The following SEC23A variants were observed in gnomAD, a reference collection of about 807,000 sequenced individuals.
The protein encoded by SEC23A is protein transport protein Sec23A.
SEC23A carries 56 observed loss-of-function variants against 103.7 expected under a neutral mutation model. The ratio of observed to expected loss-of-function variants is 0.54; its 90% confidence interval spans 0.44 to 0.67. The LOEUF (loss-of-function observed/expected upper bound fraction) is 0.67, where lower values mean the gene tolerates loss of function less well. Among genes scored for constraint, SEC23A ranks in the 30% least tolerant of loss-of-function variants. The pLI, the probability that SEC23A is intolerant of heterozygous loss-of-function variation, is 0.00. For synonymous variants in SEC23A, 281 were observed against 293.0 expected (o/e 0.96, Z 0.42); for missense variants, 784 against 936.4 (o/e 0.84, Z 2.12).
chr14:39,039,125 C>T, intron 18 of SEC23A, 29 bp from the exon 19 acceptor site: 1 of 1,595,360 alleles, frequency 6.3e-7, no homozygotes, highest in Non-Finnish European at 8.6e-7. Flanking sequence ...ATAACATTAT[C>T]CATCAAAAAT....
rs1887307129 is a variant in SEC23A, at chr14:39,083,559, C to CTTACTTTTTTT, written c.828+2202_828+2203insAAAAAAAGTAA. On this transcript the variant is annotated intron_variant, in intron 7 of 19. Transcript: ENST00000307712. Reference sequence around the variant, plus strand: ...GTGTCCTCAGCCTTGGCAAAATAAACTTTCTTTTTTTTTTTTTTTTTGAGA... The same window carrying CTTACTTTTTTT: ...GTGTCCTCAGCCTTGGCAAAATAAACTTACTTTTTTTTTTCTTTTTTTTTTTTTTTTTGAGA... Among the ~76,000 whole-genome samples the CTTACTTTTTTT allele has an allele frequency of 8.5e-5, 3 of 35,262 alleles. No homozygotes were observed. In the East Asian group the frequency reaches 3.2e-3, roughly 38 times the overall value. 23.1% of individuals were successfully genotyped at this position (35,262 alleles called of 152,430 possible).
intron 9 of SEC23A, among the ~76,000 whole-genome samples, chr14:39,069,246 A>G (rs1886767206): frequency 6.6e-6 from 1 of 152,182 alleles, no homozygotes; most frequent in Non-Finnish European, 1.5e-5. Context: ...TATACTCTAC[A>G]AATGACAAAT....
At chr14:39,086,039 G>A (rs1887432057) in intron 6 of SEC23A, 133 bp from the exon 7 acceptor site, 5 of 789,958 alleles carry the variant, frequency 6.3e-6, no homozygotes, top group South Asian at 1.4e-5. Flanking sequence ...TCAAACTTTC[G>A]TGTATATGAG....
intron 2 of SEC23A, 136 bp downstream of exon 2, chr14:39,095,762 C>G (rs747190595): frequency 5.8e-6 from 4 of 694,716 alleles, no homozygotes; most frequent in African/African-American, 1.8e-5. Context: ...TTACAGCTCT[C>G]TGGATTGTTT....
At chr14:39,094,889 T>A in intron 2 of SEC23A, 1 of 645,644 alleles carries the variant, frequency 1.5e-6, no homozygotes, top group Non-Finnish European at 2.7e-6. Flanking sequence ...GGCTAGATCA[T>A]ACAAGGCTTT....
chr14:39,089,165 CAAAA>C (rs58732430), intron 5 of SEC23A, among the ~76,000 whole-genome samples: 4 of 69,350 alleles, frequency 5.8e-5, no homozygotes, highest in African/African-American at 1.0e-4. Flanking sequence ...GACTCCGTGT[CAAAA>C]AAAAAAAAAA....
intron 12 of SEC23A, 102 bp downstream of exon 12, chr14:39,063,222 T>C: frequency 2.8e-6 from 2 of 713,420 alleles, no homozygotes; most frequent in Admixed American, 2.2e-5. Flanking sequence ...TGTTGGGTTA[T>C]ATCTACTATA....
At chr14:39,036,854 T>A (rs1054095228) in intron 19 of SEC23A, among the ~76,000 whole-genome samples, 1 of 152,014 alleles carries the variant, frequency 6.6e-6, no homozygotes, top group African/African-American at 2.4e-5. Flanking sequence ...ACCCACTAAT[T>A]CCTTATAAAT....
intron 19 of SEC23A, among the ~76,000 whole-genome samples, chr14:39,034,188 G>A (rs1294541770): frequency 6.6e-6 from 1 of 152,152 alleles, no homozygotes; most frequent in Non-Finnish European, 1.5e-5. Flanking sequence ...CTGGGATTAA[G>A]GGCATAGAGT....
chr14:39,073,944 T>G (rs949524411), intron 9 of SEC23A, among the ~76,000 whole-genome samples: 2 of 152,008 alleles, frequency 1.3e-5, no homozygotes, highest in Non-Finnish European at 2.9e-5. Context: ...GAACAGGCAA[T>G]TATCAGCTGT....
Position 39,044,867 on chromosome 14 carries a change from A to G in SEC23A, c.1899+296T>C, listed in dbSNP as rs549514717. On this transcript the variant is annotated intron_variant, in intron 16 of 19. Coordinates refer to ENST00000307712, the MANE Select transcript of SEC23A (RefSeq NM_006364.4). ...GACATTGTTAAAGACGTAAAGAATA[A>G]TCATATGCTTTGGAGGATTTGATTA... 7.0e-4 allele frequency among the ~76,000 whole-genome samples: 106 copies of G among 152,326 alleles called. 1 individual carries two copies. The highest frequency in any genetic ancestry group is 2.4e-3 in the African/African-American group (101 of 41,566).
chr14:39,049,169 C>T (rs73285766), intron 14 of SEC23A, among the ~76,000 whole-genome samples: 2,694 of 141,688 alleles, frequency 0.019, 100 homozygotes, highest in African/African-American at 0.065. Flanking sequence ...AGACAACCAT[C>T]GCTATTAAAA....
intron 14 of SEC23A, among the ~76,000 whole-genome samples, chr14:39,052,314 G>GAA: frequency 6.9e-6 from 1 of 144,284 alleles, no homozygotes; most frequent in East Asian, 2.0e-4. Flanking sequence ...CTTAAAAGTT[G>GAA]AAAAAAAAAA....
intron 11 of SEC23A, 121 bp downstream of exon 11, chr14:39,064,792 C>T (rs1023514146): frequency 1.3e-6 from 1 of 780,102 alleles, no homozygotes; most frequent in African/African-American, 1.7e-5. Context: ...GTTGCCTGAG[C>T]TGGTCTCTAA....
At position 39,040,791 on chromosome 14, in the gene SEC23A, T is replaced by C. The variant is rs1566480088; in HGVS notation, c.2083A>G (p.Ile695Val). The change falls in exon 18 of 20, where the codon ATT (isoleucine) becomes GTT (valine). Residue 695 changes from isoleucine (I) to valine (V), a missense_variant. Physicochemically the swap from Ile to Val is conservative, Grantham distance 29. This residue lies in a region of SEC23A where 101 missense variants were observed against 162.2 expected (regional missense o/e 0.62). Transcript: ENST00000307712. ...LQAPVDDAQEILHSRFPMPRY... is the reference protein window; with the variant it reads ...LQAPVDDAQEVLHSRFPMPRY... ...GGCATTGGAAATCTGGAGTGAAGAATTTCCTGTGCATCATCCACTGGGGCT... is the reference window on the plus strand; with the variant it reads ...GGCATTGGAAATCTGGAGTGAAGAACTTCCTGTGCATCATCCACTGGGGCT... 1.2e-6 allele frequency: 2 copies of C among 1,614,216 alleles called. No individual in the cohort carries two copies. Among genetic ancestry groups the C allele is most frequent in the Non-Finnish European group, 1.7e-6 (2 of 1,180,042 alleles).
chr14:39,063,053 C>A (rs981615370), intron 12 of SEC23A, among the ~76,000 whole-genome samples: 1 of 151,498 alleles, frequency 6.6e-6, no homozygotes, highest in Non-Finnish European at 1.5e-5. Context: ...ATTTTATATT[C>A]AAAAAAAAGA....
intron 7 of SEC23A, among the ~76,000 whole-genome samples, chr14:39,084,930 C>G (rs2139273536): frequency 6.6e-6 from 1 of 152,300 alleles, no homozygotes; most frequent in Admixed American, 6.5e-5. Context: ...CTCAGCCTCC[C>G]AAAGTGCTGG....
intron 7 of SEC23A, among the ~76,000 whole-genome samples, chr14:39,077,930 C>G (rs1887095586): frequency 6.6e-6 from 1 of 151,982 alleles, no homozygotes; most frequent in South Asian, 2.1e-4. Context: ...GAGACACTGT[C>G]TAAAATAAAA....
chr14:39,056,941 T>C (rs1363960103), intron 13 of SEC23A, among the ~76,000 whole-genome samples: 2 of 152,124 alleles, frequency 1.3e-5, no homozygotes, highest in African/African-American at 4.8e-5. Flanking sequence ...CACACATCTA[T>C]AGTCCCAGTT....
Sources: allele counts gnomAD v4.1 joint callset (sites outside exome capture counted in the v4.1 genomes callset), GRCh38; gene constraint gnomAD v4.1.1; regional missense constraint gnomAD v4.1.1; transcripts MANE v1.5; gene names NCBI Gene and HGNC (gene_info 2026-07-23, HGNC 2026-07-21).